Variants in ABCG1 observed in about 807,000 individuals in gnomAD.
The protein encoded by ABCG1 is ATP binding cassette subfamily G member 1.
Under a neutral mutation model 69.2 loss-of-function variants are expected in ABCG1, and 29 were observed. The ratio of observed to expected loss-of-function variants is 0.42; its 90% CI spans 0.31 to 0.57. The LOEUF is 0.57. Among genes scored for constraint, ABCG1 ranks in the 20% least tolerant of loss-of-function variants. The pLI, the probability that ABCG1 is intolerant of heterozygous loss-of-function variation, is 0.15. For synonymous variants in ABCG1, 370 were observed against 374.8 expected (o/e 0.99, Z 0.15); for missense variants, 718 against 898.1 (o/e 0.80, Z 2.56).
intron 1 of ABCG1, among the ~76,000 whole-genome samples, chr21:42,220,207 A>C (rs1254556675): frequency 6.6e-6 from 1 of 152,168 alleles, no homozygotes; most frequent in Non-Finnish European, 1.5e-5. Context: ...GAGGTAGCTA[A>C]AGTACAAATG....
At chr21:42,245,304 A>G (rs1569216710) in intron 2 of ABCG1, among the ~76,000 whole-genome samples, 2 of 152,242 alleles carry the variant, frequency 1.3e-5, no homozygotes, top group Non-Finnish European at 2.9e-5. Context: ...GGTCTAACTT[A>G]CAAGGAACCT....
At chr21:42,250,188 G>A (rs2068197514) in intron 2 of ABCG1, among the ~76,000 whole-genome samples, 1 of 152,100 alleles carries the variant, frequency 6.6e-6, no homozygotes, top group African/African-American at 2.4e-5. Context: ...GAAGACTGGA[G>A]GAGGAACTGA....
intron 2 of ABCG1, among the ~76,000 whole-genome samples, chr21:42,238,833 A>T (rs1379135222): frequency 6.6e-6 from 1 of 152,168 alleles, no homozygotes; most frequent in African/African-American, 2.4e-5. Flanking sequence ...CGTGGCAGGG[A>T]GAGGTGGCAG....
chr21:42,270,184 C>CG (rs2068590428), intron 2 of ABCG1, among the ~76,000 whole-genome samples: 1 of 144,396 alleles, frequency 6.9e-6, no homozygotes, highest in Non-Finnish European at 1.5e-5. Flanking sequence ...GGTGTGAACC[C>CG]GGGAGGCGGA....
chr21:42,256,508 C>A, intron 2 of ABCG1: 1 of 1,549,774 alleles, frequency 6.5e-7, no homozygotes, highest in Non-Finnish European at 8.7e-7. Context: ...TCCAGGTCAC[C>A]TGCGTGCCTG....
intron 13 of ABCG1, among the ~76,000 whole-genome samples, chr21:42,293,318 T>C (rs1569243030): frequency 4.8e-5 from 4 of 82,942 alleles, no homozygotes; most frequent in African/African-American, 1.0e-4. Context: ...CACCACACAG[T>C]ACACACTACA....
chr21:42,291,544 C>T lies in ABCG1; in HGVS notation c.1541C>T (p.Ser514Leu), dbSNP rs1406129471. ...AYCSIVYWMT[S>L]QPSDAVRFVL... ...TGCAGCATCGTGTACTGGATGACGT[C>T]GCAGCCGTCCGACGCCGTGCGCTTT... Residue 514 changes from serine to leucine, a missense_variant, in exon 13 of 15, where the codon TCG becomes TTG. Around this residue, in one of 2 missense-constraint regions of ABCG1, gnomAD observed 204 missense variants for 323.8 expected, o/e 0.63. Coordinates refer to ENST00000398449, the MANE Select transcript of ABCG1 (RefSeq NM_016818.3). The surrounding 1 kb of genome is among the most constrained non-coding windows in gnomAD (Gnocchi z 6.4). 6 of 1,613,708 alleles carry T rather than the reference C, an allele frequency of 3.7e-6. No individual in the cohort carries two copies. The highest frequency in any genetic ancestry group is 2.2e-5 in the East Asian group (1 of 44,872).
intron 5 of ABCG1, among the ~76,000 whole-genome samples, chr21:42,278,225 G>T (rs375146641): frequency 2.6e-5 from 4 of 152,168 alleles, no homozygotes; most frequent in African/African-American, 9.7e-5. Context: ...TGAGTTTATT[G>T]TCTAGGCTGA....
chr21:42,284,818 C>A, intron 7 of ABCG1, 135 bp downstream of exon 7: 1 of 1,236,650 alleles, frequency 8.1e-7, no homozygotes, highest in Non-Finnish European at 1.1e-6. Context: ...TGGGTACCCA[C>A]AGCCTTCTGT....
intron 2 of ABCG1, among the ~76,000 whole-genome samples, chr21:42,247,069 C>T (rs2068144402): frequency 6.6e-6 from 1 of 152,154 alleles, no homozygotes; most frequent in South Asian, 2.1e-4. Context: ...TTCCCAGAAA[C>T]AATTTCTAGC....
intron 2 of ABCG1, chr21:42,260,041 A>G (rs1380408078): frequency 1.3e-6 from 2 of 1,549,822 alleles, no homozygotes; most frequent in Non-Finnish European, 1.7e-6. Context: ...GGGCCCCATC[A>G]CCTGGGGGTG....
intron 2 of ABCG1, among the ~76,000 whole-genome samples, chr21:42,242,737 C>T (rs951538955): frequency 6.6e-6 from 1 of 152,162 alleles, no homozygotes; most frequent in African/African-American, 2.4e-5. Flanking sequence ...TAGAGCCGAC[C>T]ATGAACCGGG....
Position 42,273,436 on chromosome 21 carries a change from G to T in ABCG1, c.537+1G>T, listed in dbSNP as rs1260801307. ...TCTCACTGTGCAGGAGGCCATGATG[G>T]TGAGCTCCGCCCTGCCCCGCCCCAC... On this transcript the variant is annotated splice_donor_variant, in intron 4 of 14. Coordinates refer to ENST00000398449, the MANE Select transcript of ABCG1 (RefSeq NM_016818.3). LOFTEE classifies it high-confidence loss of function. This position sits in a 1 kb window ranked among gnomAD's most constrained non-coding sequence, Gnocchi z 5.3. 2 of 1,613,034 alleles carry T rather than the reference G, an allele frequency of 1.2e-6. No homozygotes were observed. The highest frequency in any genetic ancestry group is 1.3e-5 in the African/African-American group (1 of 74,892).
At chr21:42,239,265 T>A (rs988711360) in intron 2 of ABCG1, among the ~76,000 whole-genome samples, 12 of 152,200 alleles carry the variant, frequency 7.9e-5, no homozygotes, top group South Asian at 4.1e-4. Context: ...AATAAAAATA[T>A]CCATCTTATT....
intron 5 of ABCG1, 84 bp downstream of exon 5, chr21:42,277,029 C>A: frequency 6.8e-7 from 1 of 1,462,176 alleles, no homozygotes; most frequent in Non-Finnish European, 9.6e-7. Flanking sequence ...GGCATTTTGG[C>A]ATTGGCTTTT....
chr21:42,295,988 C>T (rs570514467), intron 14 of ABCG1, among the ~76,000 whole-genome samples, 176 bp from the exon 15 acceptor site: 27 of 152,234 alleles, frequency 1.8e-4, no homozygotes, highest in East Asian at 5.8e-4. Context: ...AGCTGTTGCA[C>T]GTGTTTGTCT....
intron 2 of ABCG1, chr21:42,256,749 G>T (rs985347148): frequency 7.4e-7 from 1 of 1,345,112 alleles, no homozygotes; most frequent in South Asian, 1.8e-5. Context: ...CTTCAGAAAT[G>T]ATCACGAGCT....
intron 2 of ABCG1, chr21:42,256,656 C>G (rs1405401704): frequency 6.8e-7 from 1 of 1,466,230 alleles, no homozygotes; most frequent in East Asian, 2.5e-5. Context: ...TCCCACCAGG[C>G]AGCCCTTTCT....
intron 1 of ABCG1, among the ~76,000 whole-genome samples, chr21:42,222,132 T>C (rs2067738159): frequency 1.3e-5 from 2 of 151,950 alleles, no homozygotes; most frequent in South Asian, 4.2e-4. Flanking sequence ...AATGCTTCAG[T>C]AGGATAGGGA....
Sources: allele counts gnomAD v4.1 joint callset (sites outside exome capture counted in the v4.1 genomes callset), GRCh38; gene constraint gnomAD v4.1.1; regional missense constraint gnomAD v4.1.1; non-coding constraint Gnocchi (gnomAD v3.1); transcripts MANE v1.5; gene names NCBI Gene and HGNC (gene_info 2026-07-23, HGNC 2026-07-21).